The following SLIT3 variants were observed in gnomAD, a reference collection of about 807,000 sequenced individuals.
The protein encoded by SLIT3 is slit guidance ligand 3, also known as slit homolog 3 protein.
SLIT3 carries 68 observed loss-of-function variants against 184.0 expected under a neutral mutation model. That is an observed-to-expected ratio of 0.37 (90% CI 0.30 to 0.45). The LOEUF is 0.45. Among genes scored for constraint, SLIT3 ranks in the 20% least tolerant of loss-of-function variants. SLIT3 has a pLI of 1.00. For missense variants in SLIT3, 1,707 were observed against 2,026.0 expected, an observed-to-expected ratio of 0.84 and a Z score of 3.02; for synonymous variants, 831 against 828.6, an observed-to-expected ratio of 1.00 and a Z score of -0.05.
intron 8 of SLIT3, among the ~76,000 whole-genome samples, chr5:168,811,219 C>T (rs1455288514): frequency 6.6e-6 from 1 of 152,160 alleles, no homozygotes; most frequent in Non-Finnish European, 1.5e-5. Flanking sequence ...GAGTAGCCAT[C>T]AGTCTCGTAA....
Position 169,137,305 on chromosome 5 carries a change from TACACAC to T in SLIT3, c.413+56168_413+56173del, listed in dbSNP as rs747552567. Among the ~76,000 whole-genome samples, 5 of 136,106 alleles carry T rather than the reference TACACAC, an allele frequency of 3.7e-5. No individual in the cohort carries two copies. In the East Asian group the frequency reaches 6.9e-4, roughly 19 times the overall value. The allele number at this position is 136,106 out of a possible 152,430, so 89.3% of individuals were successfully genotyped here. On this transcript the variant is annotated intron_variant, in intron 4 of 35. Transcript: ENST00000519560. ...TCCCCCTCTTCTCTTTCTATCTACA[TACACAC>T]ACACACACACACACACACACACACA...
intron 4 of SLIT3, among the ~76,000 whole-genome samples, chr5:168,883,599 C>T (rs1330533717): frequency 1.3e-5 from 2 of 152,244 alleles, no homozygotes; most frequent in Non-Finnish European, 2.9e-5. Flanking sequence ...AGGCCACGAG[C>T]CAAGAGGCTG....
chr5:168,890,322 C>T (rs1415041912), intron 4 of SLIT3, among the ~76,000 whole-genome samples: 2 of 152,084 alleles, frequency 1.3e-5, no homozygotes, highest in African/African-American at 4.8e-5. Flanking sequence ...GAGAGAGATG[C>T]CAATCTGAAT....
intron 4 of SLIT3, among the ~76,000 whole-genome samples, chr5:169,131,825 G>A (rs937249280): frequency 7.2e-5 from 11 of 152,216 alleles, no homozygotes; most frequent in African/African-American, 2.7e-4. Context: ...TTCCCTTGCA[G>A]AACATGTGAA....
At chr5:168,971,053 T>A (rs1018411415) in intron 4 of SLIT3, among the ~76,000 whole-genome samples, 1 of 152,198 alleles carries the variant, frequency 6.6e-6, no homozygotes, top group Non-Finnish European at 1.5e-5. Context: ...TTACTCTAGA[T>A]GTTGGTGATT....
chr5:169,250,766 A>C (rs1349392504), intron 2 of SLIT3, among the ~76,000 whole-genome samples: 2 of 152,236 alleles, frequency 1.3e-5, no homozygotes, highest in African/African-American at 4.8e-5. Context: ...TTTTTCCTGT[A>C]CCTCTGAATG....
At chr5:168,705,746 T>C (rs1374046239) in intron 26 of SLIT3, among the ~76,000 whole-genome samples, 1 of 152,212 alleles carries the variant, frequency 6.6e-6, no homozygotes, top group Non-Finnish European at 1.5e-5. Flanking sequence ...ACACTGACGG[T>C]CAGGTCATGC....
chr5:168,947,727 C>G (rs1312626495), intron 4 of SLIT3, among the ~76,000 whole-genome samples: 1 of 152,116 alleles, frequency 6.6e-6, no homozygotes, highest in Non-Finnish European at 1.5e-5. Flanking sequence ...GACCCAAGGG[C>G]TGGGGCTGGG....
intron 16 of SLIT3, among the ~76,000 whole-genome samples, chr5:168,757,482 A>G (rs569629592): frequency 1.8e-4 from 28 of 152,224 alleles, no homozygotes; most frequent in Non-Finnish European, 2.8e-4. Context: ...CCCCCAAGCT[A>G]GAGTGCAGTG....
At chr5:169,228,307 G>C (rs1764879237) in intron 3 of SLIT3, among the ~76,000 whole-genome samples, 1 of 152,098 alleles carries the variant, frequency 6.6e-6, no homozygotes. Context: ...GGCCAAAAAG[G>C]CCTCCCCAGG....
intron 4 of SLIT3, among the ~76,000 whole-genome samples, chr5:169,059,156 C>T (rs1457176108): frequency 6.6e-6 from 1 of 152,202 alleles, no homozygotes; most frequent in Admixed American, 6.5e-5. Context: ...GGTAGAGTCA[C>T]TGTCAGAATC....
At chr5:168,706,923 G>A (rs1762388372) in intron 26 of SLIT3, 1 of 152,274 alleles carries the variant, frequency 6.6e-6, no homozygotes, top group African/African-American at 2.4e-5. Flanking sequence ...CATCAGATGT[G>A]TGCATTAGAC....
chr5:168,912,284 T>C (rs1761276722), intron 4 of SLIT3, among the ~76,000 whole-genome samples: 1 of 152,258 alleles, frequency 6.6e-6, no homozygotes, highest in Non-Finnish European at 1.5e-5. Flanking sequence ...TGACTGTTTA[T>C]GTTATTGGTA....
chr5:168,990,867 A>G (rs975920748), intron 4 of SLIT3, among the ~76,000 whole-genome samples: 1 of 152,212 alleles, frequency 6.6e-6, no homozygotes, highest in African/African-American at 2.4e-5. Flanking sequence ...GGAGAATGCC[A>G]CACGACAGCT....
At chr5:168,838,490 G>A (rs1000657485) in intron 6 of SLIT3, among the ~76,000 whole-genome samples, 2 of 152,122 alleles carry the variant, frequency 1.3e-5, no homozygotes, top group African/African-American at 4.8e-5. Flanking sequence ...ATTGTACCAT[G>A]GTACTATATA....
chr5:168,677,431 C>T (rs1352241648), intron 32 of SLIT3, among the ~76,000 whole-genome samples: 6 of 151,494 alleles, frequency 4.0e-5, no homozygotes, highest in South Asian at 2.1e-4. Context: ...TCACTGCACC[C>T]GGCCTACACT....
At chr5:168,951,470 T>A (rs998576842) in intron 4 of SLIT3, among the ~76,000 whole-genome samples, 1 of 152,124 alleles carries the variant, frequency 6.6e-6, no homozygotes, top group African/African-American at 2.4e-5. Flanking sequence ...GCCAGCATTC[T>A]GCAAGAGACT....
chr5:169,257,763 C>T (rs1238595924), intron 1 of SLIT3, among the ~76,000 whole-genome samples: 1 of 151,836 alleles, frequency 6.6e-6, no homozygotes, highest in Admixed American at 6.6e-5. Flanking sequence ...CCATGTTGGC[C>T]AGGCTGTTCT....
chr5:168,944,420 G>C (rs1030572632), intron 4 of SLIT3, among the ~76,000 whole-genome samples: 4 of 152,160 alleles, frequency 2.6e-5, no homozygotes, highest in African/African-American at 9.7e-5. Flanking sequence ...GAAGGCGTAG[G>C]TATCTCTGCA....
Sources: gnomAD v4.1 joint callset for allele counts (sites outside exome capture counted in the v4.1 genomes callset) on GRCh38, gnomAD v4.1.1 for gene constraint, MANE v1.5 for transcripts, NCBI Gene and HGNC (gene_info 2026-07-23, HGNC 2026-07-21) for gene names.